Variants in FBXL14 observed in about 807,000 individuals in gnomAD.
FBXL14 encodes F-box/LRR-repeat protein 14.
A neutral mutation model predicts 24.5 loss-of-function variants in FBXL14; 11 were observed. The observed-to-expected ratio is 0.45, with a 90% confidence interval of 0.28 to 0.74. FBXL14 has a LOEUF of 0.74. Ranked by LOEUF, FBXL14 falls within the 30% of genes least tolerant of loss-of-function variation. The pLI is 0.12. For synonymous variants in FBXL14, 294 were observed against 240.4 expected, an observed-to-expected ratio of 1.22 and a Z score of -2.06; for missense variants, 384 against 545.6, an observed-to-expected ratio of 0.70 and a Z score of 2.95.
rs112214222 is a variant in FBXL14, at chr12:1,571,057, A to G, written c.1195-4247T>C. ...TTATCACTAATAATCGGTCATTGCT[A>G]TGACTGCCTGATTGCATGGTCCTTC... On this transcript the variant is annotated intron_variant, in intron 1 of 1. Transcript: ENST00000339235. 2.6e-3 allele frequency among the ~76,000 whole-genome samples: 389 copies of G among 152,346 alleles called. 3 individuals carry two copies. The highest frequency in any genetic ancestry group is 8.8e-3 in the African/African-American group (366 of 41,574).
Position 1,581,715 on chromosome 12 carries a change from C to G in FBXL14, c.1194+11158G>C, listed in dbSNP as rs953552050. On this transcript the variant is annotated intron_variant, in intron 1 of 1. Coordinates refer to ENST00000339235, the MANE Select transcript of FBXL14 (RefSeq NM_152441.3). ...CTTGCAGTGCTGCCACCTCAGAGGT[C>G]TCAGTCACACCAACATCCTCACGCC... 3.3e-5 allele frequency among the ~76,000 whole-genome samples: 5 copies of G among 152,322 alleles called. No homozygotes were observed. The South Asian group carries it at 1.0e-3, about 32-fold the overall frequency.
chr12:1,576,239 A>G (rs1196709343), intron 1 of FBXL14, among the ~76,000 whole-genome samples: 2 of 152,196 alleles, frequency 1.3e-5, no homozygotes, highest in African/African-American at 4.8e-5. Context: ...TAACGTCTCT[A>G]CAGACTAAAC....
chr12:1,577,760 C>T (rs2154437930), intron 1 of FBXL14, among the ~76,000 whole-genome samples: 1 of 152,322 alleles, frequency 6.6e-6, no homozygotes, highest in East Asian at 1.9e-4. Flanking sequence ...ATGGAGATGG[C>T]AGGTGAAACA....
In FBXL14 at chr12:1,593,854, G is replaced by A. The variant is rs753953871; in HGVS notation, c.213C>T (p.Arg71=). ...GGCGGAGGCTCAGGATCTGCACCCG[G>A]CGGATGCCCCGGGCCTGCAGGCTGG... ...LFPSLQARGI[R]RVQILSLRRS... is the part of the protein sequence containing the mutation. The change falls in exon 1 of 2, where the codon CGC becomes CGT. Residue 71 remains arginine (R), a synonymous_variant. Coordinates refer to ENST00000339235, the MANE Select transcript of FBXL14 (RefSeq NM_152441.3). This position sits in a 1 kb window ranked among gnomAD's most constrained non-coding sequence, Gnocchi z 7.4. The A allele has an allele frequency of 4.3e-6, 7 of 1,613,484 alleles. No individual in the cohort carries two copies. In the Admixed American group the frequency reaches 1.0e-4, roughly 23 times the overall value.
In FBXL14 at chr12:1,593,270, ATGT is replaced by A. The variant is rs764437587; in HGVS notation, c.794_796del (p.Asn265del). 15 of 1,612,678 alleles carry A rather than the reference ATGT, an allele frequency of 9.3e-6. No homozygotes were observed. The highest frequency in any genetic ancestry group is 1.7e-5 in the Admixed American group (1 of 60,014). ...CAGATGCATGATGCCCGTGTCACTG[ATGT>A]TGTCACAGGAGCGCAGGTTGAGGCT... On this transcript the variant is annotated inframe_deletion, in exon 1 of 2. Coordinates refer to ENST00000339235, the MANE Select transcript of FBXL14 (RefSeq NM_152441.3). The surrounding 1 kb of genome is among the most constrained non-coding windows in gnomAD (Gnocchi z 7.4).
At chr12:1,594,596 C>T (rs1420166070), upstream of FBXL14, among the ~76,000 whole-genome samples, 5 of 148,972 alleles carry the variant, frequency 3.4e-5, no homozygotes, top group Admixed American at 6.7e-5. Context: ...CTCCCAGCCC[C>T]GGGCCGCCCG....
chr12:1,576,414 A>G (rs2094455997), intron 1 of FBXL14, among the ~76,000 whole-genome samples: 1 of 152,140 alleles, frequency 6.6e-6, no homozygotes, highest in African/African-American at 2.4e-5. Flanking sequence ...GAAGGTGGGG[A>G]GAGACCACGA....
At chr12:1,584,310 C>T (rs1040772745) in intron 1 of FBXL14, among the ~76,000 whole-genome samples, 5 of 152,174 alleles carry the variant, frequency 3.3e-5, no homozygotes, top group Admixed American at 6.5e-5. Context: ...ATGATCACAC[C>T]GCTGCACTTC....
In FBXL14 at chr12:1,593,263, G is replaced by T; in HGVS notation, c.804C>A (p.Asp268Glu). The T allele has an allele frequency of 1.2e-6, 2 of 1,612,738 alleles. No individual in the cohort carries two copies. ...LNLRSCDNIS[D>E]TGIMHLAMGS... The stretch of plus-strand genomic sequence containing the variant: ...CCATGGCCAGATGCATGATGCCCGT[G>T]TCACTGATGTTGTCACAGGAGCGCA... The change falls in exon 1 of 2, where the codon GAC (aspartate) becomes GAA (glutamate). Residue 268 changes from aspartate to glutamate, a missense_variant. Transcript: ENST00000339235. The surrounding 1 kb of genome is among the most constrained non-coding windows in gnomAD (Gnocchi z 7.4).
In FBXL14 at chr12:1,593,305, G is replaced by A; in HGVS notation, c.762C>T (p.Ser254=). The A allele has an allele frequency of 6.2e-7, 1 of 1,613,322 alleles. No individual in the cohort carries two copies. Among genetic ancestry groups the A allele is most frequent in the South Asian group, 1.1e-5 (1 of 91,082 alleles). ...AGLLHLSHMG[S]LRSLNLRSCD... ...AGGAGCGCAGGTTGAGGCTGCGCAG[G>A]CTGCCCATGTGCGACAGGTGCAGGA... Residue 254 remains serine, a synonymous_variant, in exon 1 of 2, where the codon AGC becomes AGT. Coordinates refer to ENST00000339235, the MANE Select transcript of FBXL14 (RefSeq NM_152441.3). This position sits in a 1 kb window ranked among gnomAD's most constrained non-coding sequence, Gnocchi z 7.4.
intron 1 of FBXL14, among the ~76,000 whole-genome samples, chr12:1,573,802 T>C (rs1370853743): frequency 6.6e-6 from 1 of 152,186 alleles, no homozygotes; most frequent in Non-Finnish European, 1.5e-5. Context: ...GTCAAGAGTT[T>C]GAGACCAGCC....
At chr12:1,589,477 G>A (rs1311417196) in intron 1 of FBXL14, among the ~76,000 whole-genome samples, 1 of 126,470 alleles carries the variant, frequency 7.9e-6, no homozygotes, top group African/African-American at 2.9e-5. Context: ...AGGAAGACAG[G>A]AAGGAAGGGA....
At chr12:1,588,373 T>C (rs2094481225) in intron 1 of FBXL14, among the ~76,000 whole-genome samples, 1 of 152,234 alleles carries the variant, frequency 6.6e-6, no homozygotes, top group African/African-American at 2.4e-5. Flanking sequence ...TGTCCTTATG[T>C]AAGAGAAAGT....
At chr12:1,582,259 AAG>A (rs1480726909) in intron 1 of FBXL14, among the ~76,000 whole-genome samples, 1 of 152,132 alleles carries the variant, frequency 6.6e-6, no homozygotes, top group African/African-American at 2.4e-5. Context: ...AAAGAAAAGA[AAG>A]AGAAAGAAAA....
rs535670407 is a variant in FBXL14 at position 1,576,653 on chromosome 12, C to T, written c.1195-9843G>A. ...TGGGGCCTATCTAGATTGCAGGCTG[C>T]GGCACAGATAAATCAGGCTGTGGGT... On this transcript the variant is annotated intron_variant, in intron 1 of 1. Transcript: ENST00000339235. Among the ~76,000 whole-genome samples the T allele has an allele frequency of 1.2e-3, 178 of 152,232 alleles. 1 individual carries two copies. Among genetic ancestry groups the T allele is most frequent in the Non-Finnish European group, 2.0e-3 (136 of 68,006 alleles).
At chr12:1,571,128 T>C (rs1183776345) in intron 1 of FBXL14, among the ~76,000 whole-genome samples, 1 of 152,268 alleles carries the variant, frequency 6.6e-6, no homozygotes, top group Non-Finnish European at 1.5e-5. Flanking sequence ...TTTATACATA[T>C]ACTCATGTAT....
intron 1 of FBXL14, among the ~76,000 whole-genome samples, chr12:1,572,628 AG>A (rs2094447272): frequency 2.5e-5 from 2 of 78,444 alleles, no homozygotes; most frequent in East Asian, 2.2e-4. Context: ...AGGTCGGGGA[AG>A]CGGGGGGGCA....
intron 1 of FBXL14, among the ~76,000 whole-genome samples, chr12:1,581,674 G>A (rs181948465): frequency 4.1e-4 from 63 of 152,314 alleles, no homozygotes; most frequent in African/African-American, 1.4e-3. Context: ...CATGCCTCCC[G>A]TAGGACATTT....
chr12:1,575,134 A>G (rs916334247), intron 1 of FBXL14, among the ~76,000 whole-genome samples: 2 of 152,124 alleles, frequency 1.3e-5, no homozygotes, highest in African/African-American at 4.8e-5. Context: ...ATATTTTTCT[A>G]TGGATGTGTA....
Sources: allele counts gnomAD v4.1 joint callset (sites outside exome capture counted in the v4.1 genomes callset), GRCh38; gene constraint gnomAD v4.1.1; non-coding constraint Gnocchi (gnomAD v3.1); transcripts MANE v1.5; gene names NCBI Gene and HGNC (gene_info 2026-07-23, HGNC 2026-07-21).